Variants in IGF1 observed in about 807,000 individuals in gnomAD.
IGF1 encodes insulin like growth factor 1.
In IGF1, 4 loss-of-function variants were observed where a neutral mutation model predicts 13.8. That is an observed-to-expected ratio of 0.29 (90% CI 0.14 to 0.66). The LOEUF (loss-of-function observed/expected upper bound fraction) is 0.66, where lower values mean the gene tolerates loss of function less well. Ranked by LOEUF, IGF1 falls within the 30% of genes least tolerant of loss-of-function variation. The pLI, the probability that IGF1 is intolerant of heterozygous loss-of-function variation, is 0.78. For synonymous variants in IGF1, 76 were observed against 72.6 expected, an observed-to-expected ratio of 1.05 and a Z score of -0.23; for missense variants, 124 against 188.5, an observed-to-expected ratio of 0.66 and a Z score of 2.00.
intron 2 of IGF1, among the ~76,000 whole-genome samples, chr12:102,420,139 G>A (rs1692981329): frequency 6.6e-6 from 1 of 152,194 alleles, no homozygotes; most frequent in Non-Finnish European, 1.5e-5. Flanking sequence ...TATATAGTCA[G>A]GTTGAACATC....
chr12:102,468,944 T>C (rs1189268599), intron 2 of IGF1, among the ~76,000 whole-genome samples: 13 of 152,192 alleles, frequency 8.5e-5, no homozygotes, highest in Admixed American at 8.5e-4. Flanking sequence ...TGAAGTCAGC[T>C]CTAATGGAGA....
chr12:102,432,157 G>A (rs1876794007), intron 2 of IGF1, among the ~76,000 whole-genome samples: 2 of 152,142 alleles, frequency 1.3e-5, no homozygotes, highest in Non-Finnish European at 2.9e-5. Context: ...ATTTAATGCA[G>A]TACTGTATTT....
chr12:102,426,073 G>T (rs962837701), intron 2 of IGF1, among the ~76,000 whole-genome samples: 5 of 152,114 alleles, frequency 3.3e-5, no homozygotes, highest in Admixed American at 1.3e-4. Context: ...TAGTTATATT[G>T]TTTGTATTAT....
At chr12:102,403,370 G>A (rs1873844512) in intron 3 of IGF1, among the ~76,000 whole-genome samples, 2 of 152,050 alleles carry the variant, frequency 1.3e-5, no homozygotes, top group South Asian at 4.1e-4. Context: ...TTATTGGAAA[G>A]TAACCATGCC....
chr12:102,444,511 C>T (rs554345477), intron 2 of IGF1, among the ~76,000 whole-genome samples: 5 of 152,086 alleles, frequency 3.3e-5, no homozygotes, highest in South Asian at 4.2e-4. Context: ...TGTATTTACG[C>T]GTAAGTTCAT....
At chr12:102,429,615 T>G (rs1004779983) in intron 2 of IGF1, among the ~76,000 whole-genome samples, 1 of 152,254 alleles carries the variant, frequency 6.6e-6, no homozygotes, top group Non-Finnish European at 1.5e-5. Context: ...ATGCCCAGAT[T>G]CCCAAACCTC....
chr12:102,433,238 C>T (rs1433464190), intron 2 of IGF1, among the ~76,000 whole-genome samples: 1 of 152,148 alleles, frequency 6.6e-6, no homozygotes, highest in Non-Finnish European at 1.5e-5. Flanking sequence ...AACATTTGGT[C>T]ACATGTAAAC....
chr12:102,407,763 A>C (rs926679988), intron 3 of IGF1, among the ~76,000 whole-genome samples: 6 of 152,172 alleles, frequency 3.9e-5, no homozygotes. Flanking sequence ...AGACTCAATG[A>C]GGAGGGTGAG....
chr12:102,448,689 T>TAAAAAAA (rs58794507), intron 2 of IGF1, among the ~76,000 whole-genome samples: 2 of 110,308 alleles, frequency 1.8e-5, no homozygotes, highest in East Asian at 3.1e-4. Flanking sequence ...TAGAGTATAA[T>TAAAAAAA]AAAAAAAAAA....
intron 2 of IGF1, among the ~76,000 whole-genome samples, chr12:102,472,290 A>G (rs1293931450): frequency 2.0e-5 from 3 of 152,134 alleles, no homozygotes; most frequent in African/African-American, 7.2e-5. Context: ...ATAATCTAGA[A>G]GGTTGCTTTC....
At chr12:102,460,830 C>T (rs1281413468) in intron 2 of IGF1, among the ~76,000 whole-genome samples, 1 of 152,038 alleles carries the variant, frequency 6.6e-6, no homozygotes, top group African/African-American at 2.4e-5. Context: ...GGTCTAAGTC[C>T]AATACTATCT....
Position 102,419,523 on chromosome 12 carries a change from G to C in IGF1, c.388C>G (p.Pro130Ala). Residue 130 changes from proline to alanine, a missense_variant, in exon 3 of 4, where the codon CCC (proline) becomes GCC (alanine). Pro to Ala is a conservative substitution (Grantham distance 27). Transcript: ENST00000337514. ...SVRAQRHTDM[P>A]KTQKEVHLKN... ...GGTGGGCTTACCTTCTGGGTCTTGG[G>C]CATGTCGGTGTGGCGCTGGGCACGG... 1.2e-6 allele frequency: 2 copies of C among 1,613,292 alleles called. No homozygotes were observed. Among genetic ancestry groups the C allele is most frequent in the Non-Finnish European group, 1.7e-6 (2 of 1,179,902 alleles).
intron 2 of IGF1, among the ~76,000 whole-genome samples, chr12:102,449,257 A>G (rs1878684981): frequency 6.6e-6 from 1 of 152,166 alleles, no homozygotes; most frequent in Admixed American, 6.5e-5. Context: ...AGGGACATGG[A>G]TGAAGCTGAA....
chr12:102,478,446 C>T, intron 1 of IGF1: 1 of 1,420,288 alleles, frequency 7.0e-7, no homozygotes, highest in Non-Finnish European at 9.6e-7. Context: ...ATGAAAATGC[C>T]CTGTAAAATT....
upstream of IGF1, among the ~76,000 whole-genome samples, chr12:102,481,346 CCTGTGTG>C (rs1256272573): frequency 2.4e-5 from 3 of 123,052 alleles, no homozygotes; most frequent in African/African-American, 9.7e-5. Flanking sequence ...ATAACTCAAA[CCTGTGTG>C]TGTGTGTGTG....
chr12:102,441,711 G>T (rs927362388), intron 2 of IGF1, among the ~76,000 whole-genome samples: 1 of 152,094 alleles, frequency 6.6e-6, no homozygotes, highest in African/African-American at 2.4e-5. Flanking sequence ...AGTGCATCTG[G>T]TTTATACATA....
intron 3 of IGF1, among the ~76,000 whole-genome samples, chr12:102,409,490 C>G (rs1442588481): frequency 1.3e-5 from 2 of 152,192 alleles, no homozygotes; most frequent in Non-Finnish European, 2.9e-5. Context: ...GAATGGAGTT[C>G]AGGTCAACAG....
rs1424140661 is a variant in IGF1, at chr12:102,475,864, A to AC, written c.64-66dup. The AC allele has an allele frequency of 4.6e-6, 7 of 1,511,918 alleles. No individual in the cohort carries two copies. In the African/African-American group the frequency reaches 9.7e-5, roughly 21 times the overall value. The allele number at this position is 1,511,918 out of a possible 1,614,324, so 93.7% of individuals were successfully genotyped here. ...ATCCTTGCAAGGGGAGTGGGGTGGG[A>AC]CAGAAGTGCATTGACTCCCACGATT... On this transcript the variant is annotated intron_variant, in intron 1 of 3. Coordinates refer to ENST00000337514, the MANE Select transcript of IGF1 (RefSeq NM_000618.5).
chr12:102,474,826 G>A (rs1252653926), intron 2 of IGF1, among the ~76,000 whole-genome samples: 3 of 152,170 alleles, frequency 2.0e-5, no homozygotes, highest in Non-Finnish European at 2.9e-5. Context: ...GTTCCCACAG[G>A]AATCATTGAC....
Sources: gnomAD v4.1 joint callset for allele counts (sites outside exome capture counted in the v4.1 genomes callset) on GRCh38, gnomAD v4.1.1 for gene constraint, MANE v1.5 for transcripts, NCBI Gene and HGNC (gene_info 2026-07-23, HGNC 2026-07-21) for gene names.